SKP2: variants seen among roughly 807,000 people sequenced by gnomAD.
The protein encoded by SKP2 is S-phase kinase-associated protein 2.
SKP2 carries 16 observed loss-of-function variants against 51.8 expected under a neutral mutation model. That is an observed-to-expected ratio of 0.31 (90% CI 0.21 to 0.47). The LOEUF is 0.47. SKP2 is among the 20% of genes least tolerant of loss of function. SKP2 has a pLI of 1.00. For missense variants in SKP2, 377 were observed against 505.3 expected (o/e 0.75, Z 2.43); for synonymous variants, 176 against 198.6 (o/e 0.89, Z 0.96).
In SKP2 at chr5:36,156,972, G is replaced by GT. The variant is rs145392984; in HGVS notation, c.280+3931dup. 4.6e-3 allele frequency among the ~76,000 whole-genome samples: 698 copies of GT among 151,940 alleles called. 6 individuals carry two copies. Among genetic ancestry groups the GT allele is most frequent in the African/African-American group, 0.016 (681 of 41,414 alleles). ...AACATATTTTACATTGCAATCCTGGGTATGTATCTGAAACAGCAGTTTTAC... is the reference window on the plus strand; with the variant it reads ...AACATATTTTACATTGCAATCCTGGGTTATGTATCTGAAACAGCAGTTTTAC... On this transcript the variant is annotated intron_variant, in intron 2 of 9. Coordinates refer to ENST00000274255, the MANE Select transcript of SKP2 (RefSeq NM_005983.4).
intron 2 of SKP2, among the ~76,000 whole-genome samples, chr5:36,155,441 G>A (rs188856013): frequency 7.4e-4 from 112 of 152,278 alleles, no homozygotes; most frequent in South Asian, 1.9e-3. Context: ...CTGTGAAATG[G>A]AGTGCTGTAA....
intron 7 of SKP2, among the ~76,000 whole-genome samples, chr5:36,175,332 T>C (rs1356586987): frequency 6.6e-6 from 1 of 152,028 alleles, no homozygotes; most frequent in Non-Finnish European, 1.5e-5. Context: ...GAGTATTTGA[T>C]TTTAGACATA....
rs1235054677 is a variant in SKP2, at chr5:36,152,827, G to A, written c.65G>A (p.Trp22Ter). 3 of 1,613,948 alleles carry A rather than the reference G, an allele frequency of 1.9e-6. No individual in the cohort carries two copies. Among genetic ancestry groups the A allele is most frequent in the Admixed American group, 3.3e-5 (2 of 60,000 alleles). Residue 22 changes from tryptophan (W) to a stop codon, truncating the protein, a stop_gained, in exon 2 of 10, where the codon TGG becomes TAG. Transcript: ENST00000274255. LOFTEE classifies it high-confidence loss of function. ...AGCAACGTTGCCACCAGCTTCACGTGGGGATGGGATTCCAGCAAGACTTCT... is the reference window on the plus strand; with the variant it reads ...AGCAACGTTGCCACCAGCTTCACGTAGGGATGGGATTCCAGCAAGACTTCT... ...LSSNVATSFT[W>*]GWDSSKTSEL...
chr5:36,182,409 T>C lies in SKP2; in HGVS notation c.*378T>C. 9.9e-7 allele frequency: 1 copy of C among 1,007,144 alleles called. No individual in the cohort carries two copies. The highest frequency in any genetic ancestry group is 1.2e-6 in the Non-Finnish European group (1 of 842,152). The allele number at this position is 1,007,144 out of a possible 1,614,324, so 62.4% of individuals were successfully genotyped here. On this transcript the variant is annotated 3_prime_UTR_variant, in exon 10 of 10. Coordinates refer to ENST00000274255, the MANE Select transcript of SKP2 (RefSeq NM_005983.4). The stretch of plus-strand genomic sequence containing the variant: ...ACAATCTTCATAGCCCATATAACTT[T>C]TATCTATTTAATTTTATAGTATTGC...
chr5:36,164,033 T>G (rs918198108), intron 3 of SKP2, among the ~76,000 whole-genome samples: 3 of 152,154 alleles, frequency 2.0e-5, no homozygotes, highest in Non-Finnish European at 4.4e-5. Context: ...CGGTGTGCTT[T>G]AAGTGCGGAG....
chr5:36,167,687 C>G (rs552465996), intron 4 of SKP2, among the ~76,000 whole-genome samples: 1 of 152,086 alleles, frequency 6.6e-6, no homozygotes, highest in South Asian at 2.1e-4. Flanking sequence ...GTGGCGTGAT[C>G]TCGGCTCATT....
Position 36,168,396 on chromosome 5 carries a change from A to G in SKP2, c.620A>G (p.Lys207Arg), listed in dbSNP as rs1745361028. Reference sequence around the variant, plus strand: ...CACGGCATACTGTCTCAGTGTTCCAAGTTGCAGAATCTAAGCCTGGAAGGC... The same window carrying G: ...CACGGCATACTGTCTCAGTGTTCCAGGTTGCAGAATCTAAGCCTGGAAGGC... The part of the protein sequence containing the change: ...TLHGILSQCS[K>R]LQNLSLEGLR... The change falls in exon 5 of 10, where the codon AAG becomes AGG. Residue 207 changes from lysine (K) to arginine (R), a missense_variant. This residue lies in a region of SKP2 where 262 missense variants were observed against 389.8 expected (regional missense o/e 0.67). Coordinates refer to ENST00000274255, the MANE Select transcript of SKP2 (RefSeq NM_005983.4). 6.2e-7 allele frequency: 1 copy of G among 1,614,050 alleles called. No individual in the cohort carries two copies. The highest frequency in any genetic ancestry group is 1.7e-5 in the Admixed American group (1 of 60,008).
intron 2 of SKP2, among the ~76,000 whole-genome samples, chr5:36,153,301 C>G (rs1245166647): frequency 6.6e-6 from 1 of 151,628 alleles, no homozygotes; most frequent in African/African-American, 2.4e-5. Flanking sequence ...ACATTCCTGC[C>G]TTTTTCCTTA....
rs977559556 is a variant in SKP2, at chr5:36,152,951, G to T, written c.189G>T (p.Glu63Asp). 2 of 1,614,026 alleles carry T rather than the reference G, an allele frequency of 1.2e-6. No homozygotes were observed. The highest frequency in any genetic ancestry group is 1.7e-6 in the Non-Finnish European group (2 of 1,180,044). The change falls in exon 2 of 10, where the codon GAG (glutamate) becomes GAT (aspartate). Residue 63 changes from glutamate (E) to aspartate (D), a missense_variant. By Grantham distance (45) the Glu-to-Asp change is conservative. Coordinates refer to ENST00000274255, the MANE Select transcript of SKP2 (RefSeq NM_005983.4). Reference protein sequence around the residue: ...QELLSNLGHPESPPRKRLKSK... With the variant: ...QELLSNLGHPDSPPRKRLKSK... ...TGCTCTCAAACCTGGGCCACCCGGA[G>T]AGCCCCCCACGGAAACGGCTGAAGA...
rs375168035 is a variant in SKP2 at position 36,175,703 on chromosome 5, C to T, written c.902-1262C>T. Among the ~76,000 whole-genome samples the T allele has an allele frequency of 3.1e-3, 470 of 151,254 alleles. 3 individuals carry two copies. The highest frequency in any genetic ancestry group is 0.011 in the African/African-American group (441 of 41,268). On this transcript the variant is annotated intron_variant, in intron 7 of 9. Transcript: ENST00000274255. The stretch of plus-strand genomic sequence containing the variant: ...TGTTTTGACCAAGTTGAAATTATAA[C>T]GCATTGTATATATTTTGTTTACAAG...
intron 3 of SKP2, 24 bp from the exon 4 acceptor site, chr5:36,166,495 A>C (rs369126207): frequency 3.7e-6 from 6 of 1,612,538 alleles, no homozygotes; most frequent in African/African-American, 1.3e-5. Context: ...CGACTGGCCA[A>C]ATTAAGTATC....
intron 7 of SKP2, among the ~76,000 whole-genome samples, chr5:36,174,401 G>A (rs1022354551): frequency 1.8e-4 from 28 of 152,094 alleles, no homozygotes; most frequent in African/African-American, 6.5e-4. Flanking sequence ...CCAATGTTTC[G>A]TTCTTTCTCC....
chr5:36,184,068 C>G lies in SKP2; in HGVS notation c.*2037C>G. Reference sequence around the variant, plus strand: ...TAAGTTGTATTCCTTTTTTCTTTCTCTTTTTTTAAGTGCTGTGGTTAAAAT... The same window carrying G: ...TAAGTTGTATTCCTTTTTTCTTTCTGTTTTTTTAAGTGCTGTGGTTAAAAT... On this transcript the variant is annotated 3_prime_UTR_variant, in exon 10 of 10. Coordinates refer to ENST00000274255, the MANE Select transcript of SKP2 (RefSeq NM_005983.4). The G allele has an allele frequency of 1.1e-6, 1 of 949,898 alleles. No individual in the cohort carries two copies. Among genetic ancestry groups the G allele is most frequent in the African/African-American group, 1.7e-5 (1 of 59,544 alleles). 58.8% of individuals were successfully genotyped at this position (949,898 alleles called of 1,614,324 possible). A position where few individuals can be genotyped will look rare whatever the true frequency, so the allele number is the denominator to read the frequency against.
chr5:36,168,681 C>T (rs1317728883), intron 5 of SKP2, among the ~76,000 whole-genome samples: 2 of 152,194 alleles, frequency 1.3e-5, no homozygotes, highest in Non-Finnish European at 2.9e-5. Context: ...CAAGGATGAA[C>T]AATGCATGTG....
In SKP2 at chr5:36,152,873, G is replaced by A. The variant is rs1470689956; in HGVS notation, c.111G>A (p.Gly37=). The A allele has an allele frequency of 6.2e-7, 1 of 1,614,080 alleles. No homozygotes were observed. The highest frequency in any genetic ancestry group is 1.7e-5 in the Admixed American group (1 of 60,022). ...SKTSELLSGM[G]VSALEKEEPD... ...CTTCTGAACTGCTGTCAGGCATGGG[G>A]GTCTCCGCCCTGGAGAAAGAGGAGC... Residue 37 remains glycine (G), a synonymous_variant, in exon 2 of 10, where the codon GGG becomes GGA. Transcript: ENST00000274255.
In SKP2 at chr5:36,166,539, A is replaced by G; in HGVS notation, c.413A>G (p.Gln138Arg). 3.7e-6 allele frequency: 6 copies of G among 1,614,090 alleles called. No individual in the cohort carries two copies. The highest frequency in any genetic ancestry group is 5.1e-6 in the Non-Finnish European group (6 of 1,179,972). Reference sequence around the variant, plus strand: ...TATAGGTCTGATGAGTCTCTATGGCAGACCTTAGACCTCACAGGTAAAAAT... The same window carrying G: ...TATAGGTCTGATGAGTCTCTATGGCGGACCTTAGACCTCACAGGTAAAAAT... ...YRLASDESLW[Q>R]TLDLTGKNLH... The change falls in exon 4 of 10, where the codon CAG (glutamine) becomes CGG (arginine). Residue 138 changes from glutamine (Q) to arginine (R), a missense_variant. Coordinates refer to ENST00000274255, the MANE Select transcript of SKP2 (RefSeq NM_005983.4).
rs191069801 is a variant in SKP2 at position 36,180,253 on chromosome 5, A to G, written c.1062-1565A>G. The G allele has an allele frequency of 1.4e-5, 19 of 1,348,122 alleles. No homozygotes were observed. The Admixed American group carries it at 2.9e-4, about 20-fold the overall frequency. 83.5% of individuals were successfully genotyped at this position (1,348,122 alleles called of 1,614,324 possible). A position where few individuals can be genotyped will look rare whatever the true frequency, so the allele number is the denominator to read the frequency against. On this transcript the variant is annotated intron_variant, in intron 9 of 9. Transcript: ENST00000274255. ...AATTACAACGTTTCCCAAGTTTCAC[A>G]TGAGGGATTCAAAGTTGGAGCTGGA...
chr5:36,174,675 G>A (rs1745575552), intron 7 of SKP2, among the ~76,000 whole-genome samples: 2 of 152,070 alleles, frequency 1.3e-5, no homozygotes, highest in Admixed American at 6.6e-5. Context: ...ATGCAAGGAC[G>A]AAGAGCAAAG....
chr5:36,169,499 A>G (rs1437390270), intron 5 of SKP2, among the ~76,000 whole-genome samples: 1 of 152,144 alleles, frequency 6.6e-6, no homozygotes, highest in African/African-American at 2.4e-5. Flanking sequence ...TGAGAATGGA[A>G]GGAACAAGTC....
Sources: allele counts gnomAD v4.1 joint callset (sites outside exome capture counted in the v4.1 genomes callset), GRCh38; gene constraint gnomAD v4.1.1; regional missense constraint gnomAD v4.1.1; transcripts MANE v1.5; gene names NCBI Gene and HGNC (gene_info 2026-07-23, HGNC 2026-07-21).